Variants in SNX29 observed in about 807,000 individuals in gnomAD.
The protein encoded by SNX29 is sorting nexin 29, also known as sorting nexin-29.
SNX29 carries 78 observed loss-of-function variants against 102.1 expected under a neutral mutation model. That is an observed-to-expected ratio of 0.76 (90% confidence interval 0.64 to 0.92). The LOEUF (loss-of-function observed/expected upper bound fraction) is 0.92, where lower values mean the gene tolerates loss of function less well. Ranked by LOEUF, SNX29 falls within the 40% of genes least tolerant of loss-of-function variation. SNX29 has a pLI of 0.00. For synonymous variants in SNX29, 580 were observed against 414.5 expected, an observed-to-expected ratio of 1.40 and a Z score of -4.85; for missense variants, 1,280 against 1,061.7, an observed-to-expected ratio of 1.21 and a Z score of -2.86.
At chr16:12,451,170 A>G (rs2086284045) in intron 18 of SNX29, among the ~76,000 whole-genome samples, 1 of 152,214 alleles carries the variant, frequency 6.6e-6, no homozygotes, top group Non-Finnish European at 1.5e-5. Flanking sequence ...CTGGCCTCCA[A>G]ACTCCTGAGA....
chr16:12,218,874 A>C (rs965176743), intron 14 of SNX29, among the ~76,000 whole-genome samples: 4 of 152,108 alleles, frequency 2.6e-5, no homozygotes, highest in African/African-American at 7.2e-5. Flanking sequence ...TGCCGGGTTC[A>C]CGCCATTCTC....
At chr16:12,380,765 C>T (rs1288692263) in intron 16 of SNX29, among the ~76,000 whole-genome samples, 59 of 94,102 alleles carry the variant, frequency 6.3e-4, no homozygotes, top group Middle Eastern at 7.4e-3. Flanking sequence ...CATCCACCCA[C>T]CCACCATCCA....
chr16:12,421,404 C>T lies in SNX29; in HGVS notation c.2037+17875C>T, dbSNP rs187541226. Among the ~76,000 whole-genome samples the T allele has an allele frequency of 2.0e-5, 3 of 152,288 alleles. No homozygotes were observed. In the East Asian group the frequency reaches 5.8e-4, roughly 29 times the overall value. ...GGAGACCAAATGGGGCTTCAGTTCC[C>T]CAGGCTCTGCCAGGCCCTTGACCAT... On this transcript the variant is annotated intron_variant, in intron 18 of 20. Transcript: ENST00000566228.
At chr16:12,520,992 A>G (rs1476542841) in intron 19 of SNX29, among the ~76,000 whole-genome samples, 4 of 152,102 alleles carry the variant, frequency 2.6e-5, no homozygotes, top group Non-Finnish European at 2.9e-5. Flanking sequence ...TGAAGTCAGG[A>G]GTTCGAGAAC....
At chr16:12,382,802 C>G (rs1188595320) in intron 16 of SNX29, among the ~76,000 whole-genome samples, 4 of 152,070 alleles carry the variant, frequency 2.6e-5, no homozygotes, top group Admixed American at 6.6e-5. Context: ...ATGGCCGTGT[C>G]ACACCAATCT....
At chr16:12,420,950 G>T (rs904079782) in intron 18 of SNX29, among the ~76,000 whole-genome samples, 2 of 152,344 alleles carry the variant, frequency 1.3e-5, no homozygotes, top group Admixed American at 1.3e-4. Context: ...TGGGAACACA[G>T]ATGAGATAAT....
At chr16:12,515,590 C>G (rs560940822) in intron 19 of SNX29, 1 of 490,088 alleles carries the variant, frequency 2.0e-6, no homozygotes, top group Non-Finnish European at 4.1e-6. Flanking sequence ...TCTGAATCTT[C>G]AGGTGACCTC....
At position 12,279,161 on chromosome 16, in the gene SNX29, C is replaced by A. The variant is rs545726622; in HGVS notation, c.1782+1125C>A. Among the ~76,000 whole-genome samples the A allele has an allele frequency of 3.9e-5, 6 of 152,230 alleles. No individual in the cohort carries two copies. In the East Asian group the frequency reaches 1.2e-3, roughly 29 times the overall value. ...TAAGTATACAAGCAAACTTTCGGTT[C>A]TTTCTAAATCTTCTACAGTGAGTTT... On this transcript the variant is annotated intron_variant, in intron 15 of 20. Coordinates refer to ENST00000566228, the MANE Select transcript of SNX29 (RefSeq NM_032167.5).
intron 15 of SNX29, among the ~76,000 whole-genome samples, chr16:12,294,367 C>T (rs1596793497): frequency 6.6e-6 from 1 of 152,196 alleles, no homozygotes; most frequent in African/African-American, 2.4e-5. Context: ...GAACAGCCCT[C>T]AGCCCTGTCA....
rs115492778 is a variant in SNX29 at position 12,536,041 on chromosome 16, C to T, written c.2318+11200C>T. On this transcript the variant is annotated intron_variant, in intron 20 of 20. Coordinates refer to ENST00000566228, the MANE Select transcript of SNX29 (RefSeq NM_032167.5). Reference sequence around the variant, plus strand: ...CTATCCCGTTCCTAATTTGATTGCCCATGAGCTGAGCCCTTTGTCTTCATT... The same window carrying T: ...CTATCCCGTTCCTAATTTGATTGCCTATGAGCTGAGCCCTTTGTCTTCATT... 3.2e-3 allele frequency among the ~76,000 whole-genome samples: 492 copies of T among 152,192 alleles called. 4 individuals carry two copies. Among genetic ancestry groups the T allele is most frequent in the African/African-American group, 0.011 (470 of 41,502 alleles).
chr16:12,553,600 A>AC (rs374040469), intron 20 of SNX29, among the ~76,000 whole-genome samples: 1 of 103,826 alleles, frequency 9.6e-6, no homozygotes, highest in Non-Finnish European at 1.9e-5. Flanking sequence ...CCCACCCCCC[A>AC]CCCCTGCAAG....
chr16:12,134,040 G>A (rs1014234266), intron 13 of SNX29, among the ~76,000 whole-genome samples: 7 of 152,160 alleles, frequency 4.6e-5, no homozygotes, highest in Admixed American at 2.0e-4. Context: ...TGAGGCAGAG[G>A]CATAATAATC....
chr16:12,269,662 A>T (rs2079032850), intron 14 of SNX29, among the ~76,000 whole-genome samples: 1 of 152,198 alleles, frequency 6.6e-6, no homozygotes, highest in Non-Finnish European at 1.5e-5. Context: ...AACTCAGAAT[A>T]TGGGCAGAAA....
At chr16:12,232,815 A>G (rs1165611941) in intron 14 of SNX29, among the ~76,000 whole-genome samples, 1 of 152,196 alleles carries the variant, frequency 6.6e-6, no homozygotes, top group East Asian at 1.9e-4. Flanking sequence ...GTCAGCACAC[A>G]TTGGTCCTTC....
intron 20 of SNX29, among the ~76,000 whole-genome samples, chr16:12,541,005 G>C (rs971412281): frequency 5.3e-5 from 8 of 152,168 alleles, no homozygotes; most frequent in Admixed American, 1.3e-4. Context: ...CTCACTGCGG[G>C]TTTCCTGGGA....
At chr16:12,034,350 C>A (rs1189198906) in intron 4 of SNX29, among the ~76,000 whole-genome samples, 3 of 152,200 alleles carry the variant, frequency 2.0e-5, no homozygotes, top group Non-Finnish European at 2.9e-5. Context: ...TGTATTCATG[C>A]ACGTGCCAAT....
rs1326129123 is a variant in SNX29, at chr16:12,013,501, ATATATAT to A, written c.122+10459_122+10465del. 5.1e-3 allele frequency among the ~76,000 whole-genome samples: 208 copies of A among 40,852 alleles called. 18 individuals are homozygous for A. Among genetic ancestry groups the A allele is most frequent in the African/African-American group, 6.5e-3 (72 of 11,022 alleles). The allele number at this position is 40,852 out of a possible 152,430, so 26.8% of individuals were successfully genotyped here. A position where few individuals can be genotyped will look rare whatever the true frequency, so the allele number is the denominator to read the frequency against. On this transcript the variant is annotated intron_variant, in intron 3 of 20. Transcript: ENST00000566228. ...TCTCTACTGGGGGAAAAAAAAAAAA[ATATATAT>A]ATATATATATATATATATATATATA...
At chr16:12,557,047 A>G (rs1324424303) in intron 20 of SNX29, among the ~76,000 whole-genome samples, 2 of 125,576 alleles carry the variant, frequency 1.6e-5, no homozygotes, top group East Asian at 3.1e-4. Context: ...AGGTCTTGCT[A>G]TGTGGCCCAG....
chr16:12,079,762 C>G (rs749913323), intron 11 of SNX29, among the ~76,000 whole-genome samples: 44 of 152,180 alleles, frequency 2.9e-4, no homozygotes, highest in Non-Finnish European at 5.6e-4. Flanking sequence ...CCACGGCCAT[C>G]AGAGACCGGG....
Sources: gnomAD v4.1 joint callset for allele counts (sites outside exome capture counted in the v4.1 genomes callset) on GRCh38, gnomAD v4.1.1 for gene constraint, MANE v1.5 for transcripts, NCBI Gene and HGNC (gene_info 2026-07-23, HGNC 2026-07-21) for gene names.